The following ELMO1 variants were observed in gnomAD, a reference collection of about 807,000 sequenced individuals.
The protein encoded by ELMO1 is engulfment and cell motility protein 1.
Under a neutral mutation model 98.9 loss-of-function variants are expected in ELMO1, and 26 were observed. The ratio of observed to expected loss-of-function variants is 0.26; its 90% CI spans 0.19 to 0.36. ELMO1 has a LOEUF of 0.36. Ranked by LOEUF, ELMO1 falls within the 10% of genes least tolerant of loss-of-function variation. The pLI, the probability that ELMO1 is intolerant of heterozygous loss-of-function variation, is 1.00. For synonymous variants in ELMO1, 346 were observed against 346.0 expected (o/e 1.00, Z 0.00); for missense variants, 627 against 935.2 (o/e 0.67, Z 4.30).
intron 15 of ELMO1, among the ~76,000 whole-genome samples, chr7:37,044,495 T>G (rs1472564052): frequency 6.6e-6 from 1 of 152,180 alleles, no homozygotes; most frequent in Non-Finnish European, 1.5e-5. Flanking sequence ...GCCTGGTAAG[T>G]CACCATCTCA....
At chr7:37,135,626 A>C (rs1335243356) in intron 13 of ELMO1, among the ~76,000 whole-genome samples, 1 of 152,144 alleles carries the variant, frequency 6.6e-6, no homozygotes, top group African/African-American at 2.4e-5. Context: ...GAAGAGCAAA[A>C]ACAATCACTA....
chr7:37,050,621 C>CAA (rs757741781), intron 15 of ELMO1, among the ~76,000 whole-genome samples: 1 of 119,034 alleles, frequency 8.4e-6, no homozygotes, highest in Non-Finnish European at 1.8e-5. Context: ...CACACACACA[C>CAA]ACACACACAC....
chr7:37,160,739 C>A (rs558348391), intron 13 of ELMO1, among the ~76,000 whole-genome samples: 1 of 152,290 alleles, frequency 6.6e-6, no homozygotes, highest in East Asian at 1.9e-4. Flanking sequence ...AGTCACGTGG[C>A]TTCTGCATGA....
intron 13 of ELMO1, among the ~76,000 whole-genome samples, chr7:37,140,758 T>C (rs962838102): frequency 2.0e-5 from 2 of 102,474 alleles, no homozygotes; most frequent in Non-Finnish European, 4.2e-5. Context: ...GATACACAAA[T>C]GGACAACAAG....
At chr7:37,110,680 G>C (rs879798833) in intron 14 of ELMO1, among the ~76,000 whole-genome samples, 1 of 151,922 alleles carries the variant, frequency 6.6e-6, no homozygotes, top group Non-Finnish European at 1.5e-5. Flanking sequence ...TCATTTCACC[G>C]GCTCACCTAG....
chr7:37,392,056 G>T (rs1374411646), intron 1 of ELMO1, among the ~76,000 whole-genome samples: 1 of 152,178 alleles, frequency 6.6e-6, no homozygotes, highest in Non-Finnish European at 1.5e-5. Context: ...GAGAAATATA[G>T]ATATTCTGGC....
At chr7:37,376,301 C>T (rs1181487708) in intron 1 of ELMO1, among the ~76,000 whole-genome samples, 1 of 152,192 alleles carries the variant, frequency 6.6e-6, no homozygotes, top group African/African-American at 2.4e-5. Context: ...AGCCCTTCCT[C>T]ATTCCTGGGC....
chr7:37,427,977 A>G (rs1804775006), intron 1 of ELMO1, among the ~76,000 whole-genome samples: 1 of 152,130 alleles, frequency 6.6e-6, no homozygotes, highest in South Asian at 2.1e-4. Flanking sequence ...TTATCCCCAT[A>G]GATACCCCAA....
chr7:37,246,866 C>CTCTA (rs10547342), intron 6 of ELMO1, among the ~76,000 whole-genome samples: 2,373 of 151,084 alleles, frequency 0.016, 24 homozygotes, highest in Middle Eastern at 0.028. Flanking sequence ...CTATATATAT[C>CTCTA]TCTATCTATC....
intron 1 of ELMO1, among the ~76,000 whole-genome samples, chr7:37,403,010 T>C (rs13236163): frequency 0.24 from 36,556 of 152,080 alleles, 4,629 homozygotes; most frequent in East Asian, 0.43. Context: ...GTTTAGAGCA[T>C]TCTTCTTCCT....
chr7:36,903,956 C>A (rs1003397713), intron 16 of ELMO1, among the ~76,000 whole-genome samples: 3 of 152,206 alleles, frequency 2.0e-5, no homozygotes, highest in Non-Finnish European at 4.4e-5. Flanking sequence ...TTGGGCGGGT[C>A]CCTCAGACAC....
intron 15 of ELMO1, among the ~76,000 whole-genome samples, chr7:37,040,771 T>C (rs1202499871): frequency 2.6e-5 from 4 of 152,112 alleles, no homozygotes; most frequent in Non-Finnish European, 2.9e-5. Context: ...TTATTAGCGT[T>C]CTAGCACTCT....
At chr7:37,220,297 T>C (rs1462699789) in intron 10 of ELMO1, among the ~76,000 whole-genome samples, 1 of 152,250 alleles carries the variant, frequency 6.6e-6, no homozygotes, top group East Asian at 1.9e-4. Context: ...CCACATCACT[T>C]TTCCATGGGC....
chr7:37,084,080 CA>C (rs1783625315), intron 15 of ELMO1, among the ~76,000 whole-genome samples: 1 of 152,092 alleles, frequency 6.6e-6, no homozygotes, highest in Non-Finnish European at 1.5e-5. Context: ...GAAAATAGAT[CA>C]TTTTTTTCCT....
chr7:37,251,165 T>C (rs1044720719), intron 6 of ELMO1, among the ~76,000 whole-genome samples: 3 of 152,188 alleles, frequency 2.0e-5, no homozygotes, highest in Non-Finnish European at 4.4e-5. Context: ...CAATTTTCCT[T>C]CTTTCAAATA....
At chr7:36,914,759 G>A (rs948845595) in intron 16 of ELMO1, among the ~76,000 whole-genome samples, 16 of 151,988 alleles carry the variant, frequency 1.1e-4, no homozygotes, top group East Asian at 5.8e-4. Context: ...TGATCTGCCC[G>A]CCTCGGCCTC....
Position 36,980,398 on chromosome 7 carries a change from C to T in ELMO1, c.1437+32901G>A, listed in dbSNP as rs539909505. Among the ~76,000 whole-genome samples the T allele has an allele frequency of 5.9e-5, 9 of 152,270 alleles. No individual in the cohort carries two copies. In the South Asian group the frequency reaches 8.3e-4, roughly 14 times the overall value. On this transcript the variant is annotated intron_variant, in intron 16 of 21. Transcript: ENST00000310758. ...ACCGTTATTTTCAATGGAACATGGG[C>T]GCCAGAAGACAGACGGATAGATAGT... is the stretch of plus-strand genomic sequence containing the variant.
At chr7:37,415,983 A>G (rs1210992650) in intron 1 of ELMO1, among the ~76,000 whole-genome samples, 2 of 152,254 alleles carry the variant, frequency 1.3e-5, no homozygotes, top group Admixed American at 6.5e-5. Flanking sequence ...AACATATTCC[A>G]TAATGAAATC....
At position 37,321,716 on chromosome 7, in the gene ELMO1, CAAAAA is replaced by C. The variant is rs565421716; in HGVS notation, c.79-5761_79-5757del. 5.7e-3 allele frequency among the ~76,000 whole-genome samples: 379 copies of C among 66,032 alleles called. 3 individuals carry two copies. Among genetic ancestry groups the C allele is most frequent in the African/African-American group, 0.019 (238 of 12,406 alleles). 43.3% of individuals were successfully genotyped at this position (66,032 alleles called of 152,430 possible). ...TGGGCAACAGAGCGAGACTCCGTCT[CAAAAA>C]AAAAAAAAAAAAAAAAACACAGAAA... On this transcript the variant is annotated intron_variant, in intron 2 of 21. Coordinates refer to ENST00000310758, the MANE Select transcript of ELMO1 (RefSeq NM_014800.11).
Sources: allele counts gnomAD v4.1 joint callset (sites outside exome capture counted in the v4.1 genomes callset), GRCh38; gene constraint gnomAD v4.1.1; transcripts MANE v1.5; gene names NCBI Gene and HGNC (gene_info 2026-07-23, HGNC 2026-07-21).